Variants in TMCO5A observed in about 807,000 individuals in gnomAD.
TMCO5A encodes the protein transmembrane and coiled-coil domain-containing protein 5A.
In TMCO5A, 34 loss-of-function variants were observed where a neutral mutation model predicts 42.3. The observed-to-expected ratio is 0.80, with a 90% CI of 0.61 to 1.07. The LOEUF (loss-of-function observed/expected upper bound fraction) is 1.07, where lower values mean the gene tolerates loss of function less well. TMCO5A is among the 50% of genes least tolerant of loss of function. The probability of loss-of-function intolerance (pLI) is 0.00; values close to 1 mark genes in which losing one functional copy is unlikely to be tolerated. For missense variants in TMCO5A, 357 were observed against 327.9 expected (o/e 1.09, Z -0.69); for synonymous variants, 131 against 115.6 (o/e 1.13, Z -0.86).
the TMCO5A span, among the ~76,000 whole-genome samples, chr15:37,986,014 A>G: frequency 6.6e-6 from 1 of 152,082 alleles, no homozygotes; most frequent in Non-Finnish European, 1.5e-5. Context: ...AAATCTGTAG[A>G]ATTTTGGAAC....
Position 37,943,363 on chromosome 15 carries a change from C to T in TMCO5A, c.592C>T (p.Pro198Ser). 6.2e-7 allele frequency: 1 copy of T among 1,612,240 alleles called. No homozygotes were observed. The highest frequency in any genetic ancestry group is 2.2e-5 in the East Asian group (1 of 44,716). The change falls in exon 10 of 12, where the codon CCT (proline) becomes TCT (serine). Residue 198 changes from proline (P) to serine (S), a missense_variant. Coordinates refer to ENST00000319669, the MANE Select transcript of TMCO5A (RefSeq NM_152453.4). Reference protein sequence around the residue: ...REVSKLVSMNPVEKEHTSQNN... With the variant: ...REVSKLVSMNSVEKEHTSQNN... ...TAGATCAAAACTCGTGAGCATGAAC[C>T]CTGTGGAAAAAGAGCATACCAGCCA...
the TMCO5A span, among the ~76,000 whole-genome samples, chr15:38,015,225 C>T: frequency 6.6e-6 from 1 of 152,070 alleles, no homozygotes; most frequent in Non-Finnish European, 1.5e-5. Flanking sequence ...AGGATCAATG[C>T]TTTGCATCCT....
Position 37,942,264 on chromosome 15 carries a change from T to C in TMCO5A, c.569+9T>C. The C allele has an allele frequency of 1.2e-6, 2 of 1,612,094 alleles. No homozygotes were observed. The highest frequency in any genetic ancestry group is 1.7e-6 in the Non-Finnish European group (2 of 1,178,876). ...TTCCTTGAGAGAGAAGTGTGAGCTT[T>C]GGCAAAGGAACATCCTGGTTTTGGT... On this transcript the variant is annotated intron_variant, in intron 9 of 11. Coordinates refer to ENST00000319669, the MANE Select transcript of TMCO5A (RefSeq NM_152453.4).
chr15:38,019,763 T>C, the TMCO5A span, among the ~76,000 whole-genome samples: 2 of 149,720 alleles, frequency 1.3e-5, no homozygotes, highest in Admixed American at 6.7e-5. Flanking sequence ...AGTGCCACTA[T>C]GTCTGGCTAA....
At chr15:38,039,177 T>C in the TMCO5A span, among the ~76,000 whole-genome samples, 1 of 152,246 alleles carries the variant, frequency 6.6e-6, no homozygotes, top group East Asian at 1.9e-4. Context: ...AAATTCTGAG[T>C]GTAGGGCTGT....
At chr15:37,967,037 T>A in exon 12 of TMCO5A, 1 of 204,262 alleles carries the variant, frequency 4.9e-6, no homozygotes, top group Non-Finnish European at 9.8e-6. Flanking sequence ...TAAGCAAAAA[T>A]TATAACTTCT....
the TMCO5A span, among the ~76,000 whole-genome samples, chr15:38,034,721 ACT>A: frequency 6.6e-6 from 1 of 152,048 alleles, no homozygotes; most frequent in Non-Finnish European, 1.5e-5. Flanking sequence ...AAGCCATAAA[ACT>A]GTGTTACCAA....
the TMCO5A span, among the ~76,000 whole-genome samples, chr15:37,984,265 G>T: frequency 2.0e-5 from 3 of 152,250 alleles, no homozygotes; most frequent in South Asian, 4.2e-4. Flanking sequence ...GTAAGTGCTA[G>T]AGCTAAAATG....
chr15:38,018,452 A>C, the TMCO5A span, among the ~76,000 whole-genome samples: 2 of 152,184 alleles, frequency 1.3e-5, no homozygotes, highest in African/African-American at 2.4e-5. Context: ...TAGAAATTAA[A>C]AACATGACTT....
chr15:38,012,163 G>C, the TMCO5A span, among the ~76,000 whole-genome samples: 1 of 151,932 alleles, frequency 6.6e-6, no homozygotes, highest in Non-Finnish European at 1.5e-5. Context: ...CTTCTTCTAT[G>C]TGGTGAGAGG....
the TMCO5A span, among the ~76,000 whole-genome samples, chr15:38,033,119 A>C: frequency 1.3e-5 from 2 of 151,926 alleles, no homozygotes; most frequent in Admixed American, 1.3e-4. Flanking sequence ...CAGTAGAGAC[A>C]GGGTTTCACC....
At chr15:38,019,549 T>C in the TMCO5A span, among the ~76,000 whole-genome samples, 1 of 152,136 alleles carries the variant, frequency 6.6e-6, no homozygotes, top group African/African-American at 2.4e-5. Flanking sequence ...TCCTACCCGT[T>C]CACATTCACA....
chr15:38,009,076 G>A, the TMCO5A span, among the ~76,000 whole-genome samples: 3 of 152,242 alleles, frequency 2.0e-5, no homozygotes, highest in Non-Finnish European at 2.9e-5. Flanking sequence ...TTAGACTACC[G>A]GGTCATATGT....
At chr15:38,020,856 A>ATTTTTT in the TMCO5A span, among the ~76,000 whole-genome samples, 1 of 152,192 alleles carries the variant, frequency 6.6e-6, no homozygotes. Flanking sequence ...TTGGTTTAAG[A>ATTTTTT]GAAATAAAAT....
At chr15:37,954,951 C>CA (rs1224708316), downstream of TMCO5A, among the ~76,000 whole-genome samples, 1 of 151,076 alleles carries the variant, frequency 6.6e-6, no homozygotes, top group Non-Finnish European at 1.5e-5. Context: ...AATGAATACA[C>CA]AAAAAAATGC....
chr15:37,943,699 G>C (rs781463022), intron 10 of TMCO5A: 11 of 323,956 alleles, frequency 3.4e-5, no homozygotes, highest in Non-Finnish European at 5.8e-5. Flanking sequence ...TCTATAGAAA[G>C]AGGCCAATAT....
At chr15:38,037,942 G>A in the TMCO5A span, among the ~76,000 whole-genome samples, 1 of 151,682 alleles carries the variant, frequency 6.6e-6, no homozygotes, top group African/African-American at 2.4e-5. Context: ...GAACCCGGGA[G>A]GCAGAGGTTG....
the TMCO5A span, among the ~76,000 whole-genome samples, chr15:38,009,266 C>T: frequency 6.6e-6 from 1 of 152,144 alleles, no homozygotes; most frequent in Non-Finnish European, 1.5e-5. Flanking sequence ...TAAATCCATC[C>T]AAAACTAATT....
At chr15:38,032,805 A>G in the TMCO5A span, among the ~76,000 whole-genome samples, 1 of 151,946 alleles carries the variant, frequency 6.6e-6, no homozygotes, top group Non-Finnish European at 1.5e-5. Context: ...TTTGCCACAC[A>G]TTTTGTATGC....
Sources: gnomAD v4.1 joint callset for allele counts (sites outside exome capture counted in the v4.1 genomes callset) on GRCh38, gnomAD v4.1.1 for gene constraint, MANE v1.5 for transcripts, NCBI Gene and HGNC (gene_info 2026-07-23, HGNC 2026-07-21) for gene names.